Variants in RPS6KA6 observed in about 807,000 individuals in gnomAD.
RPS6KA6 encodes the protein ribosomal protein S6 kinase alpha-6.
Under a neutral mutation model 65.4 loss-of-function variants are expected in RPS6KA6, and 27 were observed. The ratio of observed to expected loss-of-function variants is 0.41; its 90% CI spans 0.30 to 0.57. The LOEUF (loss-of-function observed/expected upper bound fraction) is 0.57. Ranked by LOEUF, RPS6KA6 falls within the 20% of genes least tolerant of loss-of-function variation. RPS6KA6 has a pLI of 0.24. For missense variants in RPS6KA6, 486 were observed against 555.6 expected (o/e 0.87, Z 1.26); for synonymous variants, 190 against 184.2 (o/e 1.03, Z -0.26).
At chrX:84,142,346 G>GCATATCATTTAC (rs2035121171) in intron 6 of RPS6KA6, among the ~76,000 whole-genome samples, 1 of 110,813 alleles carries the variant, frequency 9.0e-6, no homozygotes, top group African/African-American at 3.3e-5. Flanking sequence ...ATCAAAACTT[G>GCATATCATTTAC]TGAGATGACC....
chrX:84,160,275 A>G (rs1230520278), intron 2 of RPS6KA6, among the ~76,000 whole-genome samples: 1 of 111,440 alleles, frequency 9.0e-6, no homozygotes, highest in African/African-American at 3.3e-5. Flanking sequence ...CAACCAAAAT[A>G]GTATGTTCTG....
chrX:84,164,250 G>A lies in RPS6KA6; in HGVS notation c.141+78C>T, dbSNP rs1406838220. 4 of 737,979 alleles carry A rather than the reference G, an allele frequency of 5.4e-6. No individual in the cohort carries two copies. In the East Asian group the frequency reaches 9.8e-5, roughly 18 times the overall value. 60.8% of individuals were successfully genotyped at this position (737,979 alleles called of 1,213,427 possible). ...CTTACCTGAATATATTTGTTTGATA[G>A]GAGCTTTTCTCCTTTCCCTGTATTC... On this transcript the variant is annotated intron_variant, in intron 2 of 21. Coordinates refer to ENST00000262752, the MANE Select transcript of RPS6KA6 (RefSeq NM_014496.5).
rs183552131 is a variant in RPS6KA6 at position 84,132,056 on chromosome X, T to C, written c.646+2726A>G. On this transcript the variant is annotated intron_variant, in intron 8 of 21. Transcript: ENST00000262752. ...AATACTCAGCTCAAGTACTGTGTGA[T>C]TTACATCTCTGACCACTGTATATTT... Among the ~76,000 whole-genome samples the C allele has an allele frequency of 2.1e-3, 237 of 112,110 alleles. 1 individual carries two copies. The highest frequency in any genetic ancestry group is 7.6e-3 in the African/African-American group (234 of 30,936).
Position 84,062,700 on chromosome X carries a change from C to T in RPS6KA6, c.*1577G>A, listed in dbSNP as rs1369741006. The T allele has an allele frequency of 1.8e-5, 2 of 111,589 alleles. No individual in the cohort carries two copies. The highest frequency in any genetic ancestry group is 6.5e-5 in the African/African-American group (2 of 30,778). 9.2% of individuals were successfully genotyped at this position (111,589 alleles called of 1,213,427 possible). On this transcript the variant is annotated 3_prime_UTR_variant, in exon 22 of 22. Coordinates refer to ENST00000262752, the MANE Select transcript of RPS6KA6 (RefSeq NM_014496.5). ...CATGGGGTATAGATTATTTACATTACAAACAGAATATGTATAGTTTCTTTT... is the reference window on the plus strand; with the variant it reads ...CATGGGGTATAGATTATTTACATTATAAACAGAATATGTATAGTTTCTTTT...
chrX:84,122,553 C>G (rs1245200219), intron 8 of RPS6KA6, among the ~76,000 whole-genome samples: 1 of 107,775 alleles, frequency 9.3e-6, no homozygotes, highest in Non-Finnish European at 1.9e-5. Context: ...AGGCTGGTCT[C>G]GAACTCCTGA....
Position 84,063,208 on chromosome X carries a change from T to C in RPS6KA6, c.*1069A>G, listed in dbSNP as rs2033329633. The C allele has an allele frequency of 9.0e-6, 1 of 111,540 alleles. No homozygotes were observed. The highest frequency in any genetic ancestry group is 2.8e-4 in the East Asian group (1 of 3,573). 9.2% of individuals were successfully genotyped at this position (111,540 alleles called of 1,213,427 possible). Reference sequence around the variant, plus strand: ...CATGAAGTAAAATGATTAAGTAGCATTGTCTAAAGTTTACTGTAATACAAT... The same window carrying C: ...CATGAAGTAAAATGATTAAGTAGCACTGTCTAAAGTTTACTGTAATACAAT... On this transcript the variant is annotated 3_prime_UTR_variant, in exon 22 of 22. Transcript: ENST00000262752.
rs2033308303 is a variant in RPS6KA6, at chrX:84,061,979, A to T, written c.*2298T>A. On this transcript the variant is annotated 3_prime_UTR_variant, in exon 22 of 22. Transcript: ENST00000262752. ...AGTATGTTTTGAAGCTCTCCCATAT[A>T]ATAAGGTTGCCCCCTACTACTGTGG... is the stretch of plus-strand genomic sequence containing the variant. The T allele has an allele frequency of 9.0e-6, 1 of 111,079 alleles. No homozygotes were observed. Among genetic ancestry groups the T allele is most frequent in the Non-Finnish European group, 1.9e-5 (1 of 52,828 alleles). 9.2% of individuals were successfully genotyped at this position (111,079 alleles called of 1,213,427 possible).
intron 1 of RPS6KA6, among the ~76,000 whole-genome samples, chrX:84,164,711 G>GA (rs769158821): frequency 7.5e-4 from 83 of 110,799 alleles, no homozygotes; most frequent in African/African-American, 2.5e-3. Context: ...TTTATGACAG[G>GA]AAAAAAAATG....
chrX:84,151,120 G>GGATA (rs2035310164), intron 3 of RPS6KA6, among the ~76,000 whole-genome samples: 1 of 97,037 alleles, frequency 1.0e-5, no homozygotes, highest in African/African-American at 3.7e-5. Context: ...GATATATATA[G>GGATA]GATATATATA....
intron 1 of RPS6KA6, among the ~76,000 whole-genome samples, chrX:84,176,101 T>G (rs1368707940): frequency 1.8e-5 from 2 of 111,967 alleles, no homozygotes; most frequent in African/African-American, 6.5e-5. Context: ...TAGAAGGTAT[T>G]TCCAGAACAT....
At chrX:84,151,224 A>G (rs1329625232) in intron 3 of RPS6KA6, among the ~76,000 whole-genome samples, 1 of 102,217 alleles carries the variant, frequency 9.8e-6, no homozygotes, top group Non-Finnish European at 2.0e-5. Flanking sequence ...ATATATATAG[A>G]TATAGATATA....
chrX:84,059,883 T>C lies in RPS6KA6; in HGVS notation c.*4394A>G, dbSNP rs2033273808. 1 of 112,157 alleles carries C rather than the reference T, an allele frequency of 8.9e-6. No homozygotes were observed. The highest frequency in any genetic ancestry group is 3.2e-5 in the African/African-American group (1 of 30,902). The allele number at this position is 112,157 out of a possible 1,213,427, so 9.2% of individuals were successfully genotyped here. Reference sequence around the variant, plus strand: ...AGTGAATAATTGAAACATACATAATTTGCCAATATAATGTAAGCTTGGATT... The same window carrying C: ...AGTGAATAATTGAAACATACATAATCTGCCAATATAATGTAAGCTTGGATT... On this transcript the variant is annotated 3_prime_UTR_variant, in exon 22 of 22. Coordinates refer to ENST00000262752, the MANE Select transcript of RPS6KA6 (RefSeq NM_014496.5).
At chrX:84,135,271 T>C (rs1210843173) in intron 6 of RPS6KA6, 61 bp from the exon 7 acceptor site, 1 of 779,790 alleles carries the variant, frequency 1.3e-6, no homozygotes, top group East Asian at 3.5e-5. Flanking sequence ...TATTTAAAAA[T>C]ACTTCTTTCA....
intron 20 of RPS6KA6, among the ~76,000 whole-genome samples, chrX:84,084,898 T>C (rs1199841281): frequency 3.6e-5 from 4 of 111,643 alleles, no homozygotes; most frequent in Admixed American, 9.6e-5. Flanking sequence ...TGGTTTGTAG[T>C]TCTCCTTGAA....
intron 20 of RPS6KA6, among the ~76,000 whole-genome samples, chrX:84,083,895 C>T (rs1360800371): frequency 8.9e-6 from 1 of 112,099 alleles, no homozygotes; most frequent in Non-Finnish European, 1.9e-5. Context: ...TGTTTCTTGA[C>T]TTTTTAATAA....
chrX:84,077,669 G>A (rs898478850), intron 20 of RPS6KA6, among the ~76,000 whole-genome samples: 17 of 111,394 alleles, frequency 1.5e-4, no homozygotes, highest in Non-Finnish European at 3.0e-4. Context: ...GAAAACACAG[G>A]GGAAAATACA....
Position 84,162,249 on chromosome X carries a change from A to G in RPS6KA6, c.141+2079T>C, listed in dbSNP as rs980880810. Among the ~76,000 whole-genome samples, 8 of 111,218 alleles carry G rather than the reference A, an allele frequency of 7.2e-5. No individual in the cohort carries two copies. In the Admixed American group the frequency reaches 7.7e-4, roughly 11 times the overall value. ...AACAGTAAAAAAAAAAGCCAACCAC[A>G]AAAAAACACATGACAATCACAAAGA... On this transcript the variant is annotated intron_variant, in intron 2 of 21. Transcript: ENST00000262752.
At chrX:84,120,956 T>C (rs926505556) in intron 8 of RPS6KA6, among the ~76,000 whole-genome samples, 10 of 112,088 alleles carry the variant, frequency 8.9e-5, no homozygotes, top group Non-Finnish European at 1.3e-4. Flanking sequence ...CGGAAAAAGG[T>C]TGGACATATA....
Position 84,061,891 on chromosome X carries a change from T to G in RPS6KA6, c.*2386A>C, listed in dbSNP as rs888116879. The stretch of plus-strand genomic sequence containing the variant: ...CAATCCAAATCTGCATTTTTGGCTA[T>G]GGAGTTCTAGCCAAACTGGACAGGA... On this transcript the variant is annotated 3_prime_UTR_variant, in exon 22 of 22. Coordinates refer to ENST00000262752, the MANE Select transcript of RPS6KA6 (RefSeq NM_014496.5). 1 of 111,709 alleles carries G rather than the reference T, an allele frequency of 9.0e-6. No homozygotes were observed. The highest frequency in any genetic ancestry group is 3.7e-4 in the South Asian group (1 of 2,685). 9.2% of individuals were successfully genotyped at this position (111,709 alleles called of 1,213,427 possible). A position where few individuals can be genotyped will look rare whatever the true frequency, so the allele number is the denominator to read the frequency against.
Sources: gnomAD v4.1 joint callset for allele counts (sites outside exome capture counted in the v4.1 genomes callset) on GRCh38, gnomAD v4.1.1 for gene constraint, MANE v1.5 for transcripts, NCBI Gene and HGNC (gene_info 2026-07-23, HGNC 2026-07-21) for gene names.